Variants in DPP6 observed in about 807,000 individuals in gnomAD.
The protein encoded by DPP6 is A-type potassium channel modulatory protein DPP6.
Under a neutral mutation model 122.6 loss-of-function variants are expected in DPP6, and 69 were observed. The observed-to-expected ratio is 0.56, with a 90% CI of 0.46 to 0.69. The LOEUF (loss-of-function observed/expected upper bound fraction) is 0.69. Among genes scored for constraint, DPP6 ranks in the 30% least tolerant of loss-of-function variants. DPP6 has a pLI of 0.00. For synonymous variants in DPP6, 418 were observed against 433.1 expected (o/e 0.97, Z 0.43); for missense variants, 928 against 1,116.9 (o/e 0.83, Z 2.41).
At position 154,646,794 on chromosome 7, in the gene DPP6, G is replaced by A. The variant is rs189889178; in HGVS notation, c.680+8921G>A. Among the ~76,000 whole-genome samples the A allele has an allele frequency of 5.3e-5, 8 of 152,260 alleles. No individual in the cohort carries two copies. The East Asian group carries it at 5.8e-4, about 11-fold the overall frequency. ...TGTGACTTTGAATTGCAAAAGTGGCGAAAGAGGCTGCACCAACAGGTCTTA... is the reference window on the plus strand; with the variant it reads ...TGTGACTTTGAATTGCAAAAGTGGCAAAAGAGGCTGCACCAACAGGTCTTA... On this transcript the variant is annotated intron_variant, in intron 6 of 25. Coordinates refer to ENST00000377770, the MANE Select transcript of DPP6 (RefSeq NM_130797.4).
chr7:154,216,930 T>A (rs1476150009), intron 1 of DPP6, among the ~76,000 whole-genome samples: 6 of 147,380 alleles, frequency 4.1e-5, no homozygotes, highest in African/African-American at 1.5e-4. Context: ...GAAACCTCTC[T>A]AAAAAAAAAA....
At chr7:154,438,203 A>C (rs994070319) in intron 1 of DPP6, among the ~76,000 whole-genome samples, 18 of 152,010 alleles carry the variant, frequency 1.2e-4, no homozygotes, top group East Asian at 3.9e-4. Context: ...CACTGTGGCA[A>C]ATGCCTGTAA....
intron 10 of DPP6, among the ~76,000 whole-genome samples, chr7:154,778,473 A>G (rs1796720630): frequency 6.6e-6 from 1 of 152,024 alleles, no homozygotes; most frequent in Non-Finnish European, 1.5e-5. Context: ...TGGTATGTGC[A>G]CGAGTTTTGG....
intron 1 of DPP6, among the ~76,000 whole-genome samples, chr7:153,949,794 C>A (rs564010170): frequency 6.6e-5 from 10 of 152,304 alleles, no homozygotes; most frequent in African/African-American, 2.2e-4. Flanking sequence ...TTCCTCCTTG[C>A]ATGAAAGGGA....
At chr7:154,573,298 CAG>C (rs1328176361) in intron 5 of DPP6, among the ~76,000 whole-genome samples, 1 of 152,214 alleles carries the variant, frequency 6.6e-6, no homozygotes, top group Non-Finnish European at 1.5e-5. Context: ...GCAGTGGCCT[CAG>C]AGGGCAAACT....
chr7:154,804,812 T>C, intron 14 of DPP6, 105 bp from the exon 15 acceptor site: 3 of 1,499,354 alleles, frequency 2.0e-6, no homozygotes, highest in Non-Finnish European at 2.7e-6. Context: ...CTGCAGGCCA[T>C]GGGCGGCAGT....
chr7:154,608,333 A>G (rs762479812), intron 5 of DPP6, among the ~76,000 whole-genome samples: 8 of 113,466 alleles, frequency 7.1e-5, no homozygotes, highest in Non-Finnish European at 1.1e-4. Flanking sequence ...ATATATATAT[A>G]TATATATATT....
rs375053001 is a variant in DPP6, at chr7:154,537,773, A to G, written c.458-2759A>G. ...GAAAGGAGAGAGGAGGGGAGGGGAG[A>G]GGAGAGGAGAGGAGAGGGAAGAGGA... is the stretch of plus-strand genomic sequence containing the variant. On this transcript the variant is annotated intron_variant, in intron 3 of 25. Transcript: ENST00000377770. Among the ~76,000 whole-genome samples, 5 of 135,552 alleles carry G rather than the reference A, an allele frequency of 3.7e-5. No individual in the cohort carries two copies. In the East Asian group the frequency reaches 5.8e-4, roughly 16 times the overall value. The allele number at this position is 135,552 out of a possible 152,430, so 88.9% of individuals were successfully genotyped here. A position where few individuals can be genotyped will look rare whatever the true frequency, so the allele number is the denominator to read the frequency against.
In DPP6 at chr7:154,455,952, G is replaced by A. The variant is rs968487821; in HGVS notation, c.358+9624G>A. 3.9e-5 allele frequency among the ~76,000 whole-genome samples: 6 copies of A among 152,154 alleles called. No individual in the cohort carries two copies. The East Asian group carries it at 1.2e-3, about 29-fold the overall frequency. ...CCTGGTCAGCTTCAAATTAATTTTG[G>A]TGGCCTTAAGGACCATATTTTTACA... On this transcript the variant is annotated intron_variant, in intron 2 of 25. Coordinates refer to ENST00000377770, the MANE Select transcript of DPP6 (RefSeq NM_130797.4).
rs184383650 is a variant in DPP6, at chr7:154,433,284, A to G, written c.244-12930A>G. ...TCTCAGCCTCCCAAGTAGCTGAGAC[A>G]GGGACTACAGGTGCATGCCACCGTG... is the stretch of plus-strand genomic sequence containing the variant. On this transcript the variant is annotated intron_variant, in intron 1 of 25. Coordinates refer to ENST00000377770, the MANE Select transcript of DPP6 (RefSeq NM_130797.4). Among the ~76,000 whole-genome samples the G allele has an allele frequency of 5.4e-3, 821 of 151,456 alleles. 3 individuals carry two copies. Among genetic ancestry groups the G allele is most frequent in the African/African-American group, 0.018 (756 of 41,268 alleles).
At chr7:154,522,695 C>T (rs970148028) in intron 3 of DPP6, among the ~76,000 whole-genome samples, 1 of 126,786 alleles carries the variant, frequency 7.9e-6, no homozygotes, top group African/African-American at 3.0e-5. Context: ...AACCCAGACA[C>T]GAGAAAAAAA....
rs1291071530 is a variant in DPP6, at chr7:154,282,014, C to A, written c.244-164200C>A. Among the ~76,000 whole-genome samples, 1 of 152,126 alleles carries A rather than the reference C, an allele frequency of 6.6e-6. No individual in the cohort carries two copies. The highest frequency in any genetic ancestry group is 1.5e-5 in the Non-Finnish European group (1 of 68,046). On this transcript the variant is annotated intron_variant, in intron 1 of 25. Coordinates refer to ENST00000377770, the MANE Select transcript of DPP6 (RefSeq NM_130797.4). The surrounding 1 kb of genome is among the most constrained non-coding windows in gnomAD (Gnocchi z 4.8). ...GGTCTTTGTGACTCTAGCTTAGTGA[C>A]TTAACCTTTCAACACCTCTGTTTCC... is the stretch of plus-strand genomic sequence containing the variant.
intron 1 of DPP6, among the ~76,000 whole-genome samples, chr7:153,981,578 T>G (rs897053391): frequency 6.6e-6 from 1 of 152,238 alleles, no homozygotes; most frequent in African/African-American, 2.4e-5. Flanking sequence ...AATTTGATCC[T>G]GTTGTTATGA....
intron 2 of DPP6, among the ~76,000 whole-genome samples, chr7:154,472,598 T>A (rs1384922917): frequency 6.6e-6 from 1 of 152,226 alleles, no homozygotes; most frequent in Non-Finnish European, 1.5e-5. Flanking sequence ...GTATAAGGCC[T>A]TTCTCTTCTT....
intron 1 of DPP6, among the ~76,000 whole-genome samples, chr7:154,232,379 T>G (rs1317219409): frequency 6.6e-6 from 1 of 152,146 alleles, no homozygotes; most frequent in Non-Finnish European, 1.5e-5. Context: ...GGAGTGATCA[T>G]CTACTGATAG....
chr7:153,923,620 G>A (rs1242951047), intron 1 of DPP6, among the ~76,000 whole-genome samples: 3 of 151,976 alleles, frequency 2.0e-5, no homozygotes, highest in Non-Finnish European at 2.9e-5. Flanking sequence ...AATTAGCCGG[G>A]CATGGTGGCG....
At chr7:153,987,828 C>G (rs1406864978) in intron 1 of DPP6, among the ~76,000 whole-genome samples, 1 of 152,134 alleles carries the variant, frequency 6.6e-6, no homozygotes, top group Non-Finnish European at 1.5e-5. Context: ...AAAATGGCAT[C>G]CTCCTTCACA....
chr7:154,685,370 A>G (rs1839535155), intron 7 of DPP6, among the ~76,000 whole-genome samples: 1 of 152,356 alleles, frequency 6.6e-6, no homozygotes, highest in African/African-American at 2.4e-5. Context: ...TAACTCAGCT[A>G]CACTTCAACT....
intron 1 of DPP6, among the ~76,000 whole-genome samples, chr7:154,336,562 G>A (rs377282866): frequency 4.6e-5 from 7 of 152,292 alleles, no homozygotes; most frequent in African/African-American, 1.7e-4. Context: ...GAGCTGGAAC[G>A]TAACGCCCAC....
Sources: gnomAD v4.1 joint callset for allele counts (sites outside exome capture counted in the v4.1 genomes callset) on GRCh38, gnomAD v4.1.1 for gene constraint, Gnocchi (gnomAD v3.1) non-coding constraint, MANE v1.5 for transcripts, NCBI Gene and HGNC (gene_info 2026-07-23, HGNC 2026-07-21) for gene names.